AP5B1: variants seen among roughly 807,000 people sequenced by gnomAD.
AP5B1 encodes the protein adaptor related protein complex 5 subunit beta 1.
A neutral mutation model predicts 5.7 loss-of-function variants in AP5B1; 3 were observed. The observed-to-expected ratio is 0.53, with a 90% CI of 0.24 to 1.36. The LOEUF is 1.36. Among genes scored for constraint, AP5B1 ranks in the 40% most tolerant of loss-of-function variants. The probability of loss-of-function intolerance (pLI) is 0.17; values close to 1 mark genes in which losing one functional copy is unlikely to be tolerated. For synonymous variants in AP5B1, 696 were observed against 555.5 expected (o/e 1.25, Z -3.56); for missense variants, 1,310 against 1,143.2 (o/e 1.15, Z -2.10).
rs2135690748 is a variant in AP5B1, at chr11:65,780,130, C to T, written c.363G>A (p.Leu121=). The T allele has an allele frequency of 6.7e-7, 1 of 1,481,798 alleles. No individual in the cohort carries two copies. Among genetic ancestry groups the T allele is most frequent in the African/African-American group, 1.4e-5 (1 of 69,366 alleles). The allele number at this position is 1,481,798 out of a possible 1,614,324, so 91.8% of individuals were successfully genotyped here. A position where few individuals can be genotyped will look rare whatever the true frequency, so the allele number is the denominator to read the frequency against. Reference sequence around the variant, plus strand: ...CCGCGGCCAGGCCGAGCAGTAGGGGCAGGAGCCGGCAGGAGGCGCCCGAGG... The same window carrying T: ...CCGCGGCCAGGCCGAGCAGTAGGGGTAGGAGCCGGCAGGAGGCGCCCGAGG... ...GPTSGASCRL[L]PLLLGLAAGS... The change falls in exon 2 of 2, where the codon CTG becomes CTA. Residue 121 remains leucine (L), a synonymous_variant. Coordinates refer to ENST00000532090, the MANE Select transcript of AP5B1 (RefSeq NM_138368.5).
rs754621252 is a variant in AP5B1, at chr11:65,778,714, G to T, written c.1779C>A (p.Val593=). The change falls in exon 2 of 2, where the codon GTC becomes GTA. Residue 593 remains valine (V), a synonymous_variant. Transcript: ENST00000532090. ...LLRAGVRGGL[V]DLLQVLARQL... is the part of the protein sequence containing the mutation. ...GCCTGGCCAGCACCTGCAGCAAGTCGACCAGGCCGCCCCTCACCCCTGCCC... is the reference window on the plus strand; with the variant it reads ...GCCTGGCCAGCACCTGCAGCAAGTCTACCAGGCCGCCCCTCACCCCTGCCC... 1 of 1,587,626 alleles carries T rather than the reference G, an allele frequency of 6.3e-7. No individual in the cohort carries two copies. Among genetic ancestry groups the T allele is most frequent in the Non-Finnish European group, 8.6e-7 (1 of 1,169,172 alleles).
chr11:65,779,230 C>A lies in AP5B1; in HGVS notation c.1263G>T (p.Leu421=), dbSNP rs778009377. The stretch of plus-strand genomic sequence containing the variant: ...CCTCTTCTTCCTCCTCGGCACAGAG[C>A]AGGCACAGTAAATGCAGGCGGGCCA... ...ALLARLHLLC[L]LCAEEEEEEK... is the part of the protein sequence containing the mutation. The change falls in exon 2 of 2, where the codon CTG becomes CTT. Residue 421 remains leucine (L), a synonymous_variant. Transcript: ENST00000532090. 5.6e-6 allele frequency: 9 copies of A among 1,598,582 alleles called. No homozygotes were observed. The African/African-American group carries it at 1.1e-4, about 19-fold the overall frequency.
Position 65,780,039 on chromosome 11 carries a change from C to T in AP5B1, c.454G>A (p.Glu152Lys). 1 of 1,554,322 alleles carries T rather than the reference C, an allele frequency of 6.4e-7. No homozygotes were observed. Among genetic ancestry groups the T allele is most frequent in the Non-Finnish European group, 8.7e-7 (1 of 1,149,512 alleles). The change falls in exon 2 of 2, where the codon GAG becomes AAG. Residue 152 changes from glutamate to lysine, a missense_variant. Physicochemically the swap from Glu to Lys is moderately conservative, Grantham distance 56. Transcript: ENST00000532090. Reference protein sequence around the residue: ...EQRPLQATACECLRELESCKP... With the variant: ...EQRPLQATACKCLRELESCKP... ...CAGCTCTCTAGCTCTCGCAGGCACT[C>T]GCAGGCCGTGGCCTGCAAGGGGCGC...
rs1343026582 is a variant in AP5B1, at chr11:65,780,724, G to A, written c.-133C>T. Reference sequence around the variant, plus strand: ...CCGCGCAGATGCCGGCGGGACCCGCGCCCGGCTCCCACGGTGAGACCAGGG... The same window carrying A: ...CCGCGCAGATGCCGGCGGGACCCGCACCCGGCTCCCACGGTGAGACCAGGG... On this transcript the variant is annotated 5_prime_UTR_variant, in exon 1 of 2. Transcript: ENST00000532090. The A allele has an allele frequency of 2.5e-5, 25 of 984,792 alleles. No homozygotes were observed. The highest frequency in any genetic ancestry group is 4.4e-5 in the Admixed American group (1 of 22,910). The allele number at this position is 984,792 out of a possible 1,614,324, so 61.0% of individuals were successfully genotyped here.
Position 65,775,199 on chromosome 11 carries a change from G to A in AP5B1, c.*2657C>T, listed in dbSNP as rs1857749873. On this transcript the variant is annotated 3_prime_UTR_variant, in exon 2 of 2. Coordinates refer to ENST00000532090, the MANE Select transcript of AP5B1 (RefSeq NM_138368.5). Reference sequence around the variant, plus strand: ...TGGCCATTGCAGCAAAGTTCTGGTTGGGGTAGGGGGAGCTGAAAGTCATCT... The same window carrying A: ...TGGCCATTGCAGCAAAGTTCTGGTTAGGGTAGGGGGAGCTGAAAGTCATCT... 6.6e-6 allele frequency among the ~76,000 whole-genome samples: 1 copy of A among 152,164 alleles called. No individual in the cohort carries two copies. Among genetic ancestry groups the A allele is most frequent in the Non-Finnish European group, 1.5e-5 (1 of 68,026 alleles).
chr11:65,777,235 A>G lies in AP5B1; in HGVS notation c.*621T>C, dbSNP rs77787987. On this transcript the variant is annotated 3_prime_UTR_variant, in exon 2 of 2. Transcript: ENST00000532090. ...CAAGGCCAGACCCTCTCTGGGAAGC[A>G]GAAAGGAGATTTTTCCCCTGCCTCC... is the stretch of plus-strand genomic sequence containing the variant. 3,468 of 152,524 alleles carry G rather than the reference A, an allele frequency of 0.023. 141 individuals carry two copies. Among genetic ancestry groups the G allele is most frequent in the African/African-American group, 0.079 (3,304 of 41,572 alleles). The allele number at this position is 152,524 out of a possible 1,614,324, so 9.4% of individuals were successfully genotyped here.
chr11:65,778,369 C>G lies in AP5B1; in HGVS notation c.2124G>C (p.Glu708Asp). 1 of 1,607,982 alleles carries G rather than the reference C, an allele frequency of 6.2e-7. No individual in the cohort carries two copies. The highest frequency in any genetic ancestry group is 8.5e-7 in the Non-Finnish European group (1 of 1,178,034). The change falls in exon 2 of 2, where the codon GAG becomes GAC. Residue 708 changes from glutamate to aspartate, a missense_variant. Transcript: ENST00000532090. ...RVEGQLYAPL[E>D]AVHVPCLCPG... ...GACACAGGCAGGGCACATGGACAGCCTCCAGGGGTGCATACAGCTGTCCTT... is the reference window on the plus strand; with the variant it reads ...GACACAGGCAGGGCACATGGACAGCGTCCAGGGGTGCATACAGCTGTCCTT...
chr11:65,777,909 C>A lies in AP5B1; in HGVS notation c.2584G>T (p.Ala862Ser), dbSNP rs1417097312. 1.3e-6 allele frequency: 2 copies of A among 1,554,976 alleles called. No homozygotes were observed. The highest frequency in any genetic ancestry group is 2.4e-5 in the South Asian group (2 of 84,848). The stretch of plus-strand genomic sequence containing the variant: ...TAGTCCCCCGCCAGGGGCAGCACGG[C>A]CCAGTCATCGGTCCGCAGGGCCACA... ...VPVALRTDDWAVLPLAGDYLR... is the reference protein window; with the variant it reads ...VPVALRTDDWSVLPLAGDYLR... The change falls in exon 2 of 2, where the codon GCC (alanine) becomes TCC (serine). Residue 862 changes from alanine (A) to serine (S), a missense_variant. Physicochemically the swap from Ala to Ser is moderately conservative, Grantham distance 99. Transcript: ENST00000532090.
Position 65,778,504 on chromosome 11 carries a change from C to T in AP5B1, c.1989G>A (p.Leu663=), listed in dbSNP as rs1473836576. The change falls in exon 2 of 2, where the codon CTG becomes CTA. Residue 663 remains leucine (L), a synonymous_variant. Coordinates refer to ENST00000532090, the MANE Select transcript of AP5B1 (RefSeq NM_138368.5). Reference sequence around the variant, plus strand: ...GATGGGACCCCAGGCTCAGCCGTACCAGGGCCGGTGCCTCCTGCACCATCA... The same window carrying T: ...GATGGGACCCCAGGCTCAGCCGTACTAGGGCCGGTGCCTCCTGCACCATCA... ...AALMVQEAPA[L]VRLSLGSHRV... 1.9e-6 allele frequency: 3 copies of T among 1,573,398 alleles called. No individual in the cohort carries two copies. Among genetic ancestry groups the T allele is most frequent in the Non-Finnish European group, 1.7e-6 (2 of 1,163,934 alleles).
At position 65,774,554 on chromosome 11, in the gene AP5B1, A is replaced by G. The variant is rs115011816; in HGVS notation, c.*3302T>C. Among the ~76,000 whole-genome samples the G allele has an allele frequency of 0.015, 2,352 of 152,128 alleles. 51 individuals carry two copies. The highest frequency in any genetic ancestry group is 0.054 in the African/African-American group (2,246 of 41,486). On this transcript the variant is annotated 3_prime_UTR_variant, in exon 2 of 2. Transcript: ENST00000532090. Reference sequence around the variant, plus strand: ...AGCCTCCTGAGTAGCTGGGATTATGAGCACGCCACCACACCCGGCTAATTT... The same window carrying G: ...AGCCTCCTGAGTAGCTGGGATTATGGGCACGCCACCACACCCGGCTAATTT...
In AP5B1 at chr11:65,780,583, G is replaced by T; in HGVS notation, c.9C>A (p.Pro3=). 6.9e-7 allele frequency: 1 copy of T among 1,455,462 alleles called. No homozygotes were observed. The highest frequency in any genetic ancestry group is 9.0e-7 in the Non-Finnish European group (1 of 1,107,012). The allele number at this position is 1,455,462 out of a possible 1,614,324, so 90.2% of individuals were successfully genotyped here. Residue 3 remains proline (P), a synonymous_variant, in exon 1 of 2, where the codon CCC becomes CCA. Transcript: ENST00000532090. ...GCTGGGCCCAGGCGTCCCGGCTCAG[G>T]GGCCCCATGGTGAGGCGCGCGGGCC... MG[P]LSRDAWAQRL... is the part of the protein sequence containing the mutation.
rs570313032 is a variant in AP5B1 at position 65,775,168 on chromosome 11, T to C, written c.*2688A>G. 2.6e-5 allele frequency among the ~76,000 whole-genome samples: 4 copies of C among 152,248 alleles called. No homozygotes were observed. The East Asian group carries it at 7.7e-4, about 29-fold the overall frequency. On this transcript the variant is annotated 3_prime_UTR_variant, in exon 2 of 2. Coordinates refer to ENST00000532090, the MANE Select transcript of AP5B1 (RefSeq NM_138368.5). Reference sequence around the variant, plus strand: ...TGTCCCATGGGTCCATAGGGGCATATAAGAATGGCCATTGCAGCAAAGTTC... The same window carrying C: ...TGTCCCATGGGTCCATAGGGGCATACAAGAATGGCCATTGCAGCAAAGTTC...
rs778776838 is a variant in AP5B1, at chr11:65,779,636, T to C, written c.857A>G (p.Gln286Arg). Residue 286 changes from glutamine (Q) to arginine (R), a missense_variant, in exon 2 of 2, where the codon CAG becomes CGG. Gln to Arg is a conservative substitution (Grantham distance 43). Transcript: ENST00000532090. ...GCCCAGCAGCCACAGGAGCTGGGCC[T>C]GGGCCACAGGAGTGAGCAGATAGGA... ...DTSYLLTPVAQAQLLWLLGWA... is the reference protein window; with the variant it reads ...DTSYLLTPVARAQLLWLLGWA... 5.6e-6 allele frequency: 9 copies of C among 1,610,440 alleles called. No individual in the cohort carries two copies. The highest frequency in any genetic ancestry group is 7.6e-6 in the Non-Finnish European group (9 of 1,178,976).
chr11:65,780,284 G>A lies in AP5B1; in HGVS notation c.209C>T (p.Ala70Val), dbSNP rs866030578. 1.3e-6 allele frequency: 2 copies of A among 1,501,498 alleles called. No individual in the cohort carries two copies. The highest frequency in any genetic ancestry group is 2.5e-5 in the East Asian group (1 of 39,530). The allele number at this position is 1,501,498 out of a possible 1,614,324, so 93.0% of individuals were successfully genotyped here. Residue 70 changes from alanine to valine, a missense_variant, in exon 2 of 2, where the codon GCG becomes GTG. Coordinates refer to ENST00000532090, the MANE Select transcript of AP5B1 (RefSeq NM_138368.5). ...YPAQLWPDAS[A>V]AEVAATSLLD... ...CAGGGAGGTGGCGGCCACTTCGGCC[G>A]CAGAGGCGTCGGGCCACAGCTGCGC...
Position 65,774,312 on chromosome 11 carries a change from T to C in AP5B1, c.*3544A>G, listed in dbSNP as rs1857740694. On this transcript the variant is annotated 3_prime_UTR_variant, in exon 2 of 2. Transcript: ENST00000532090. ...ATGACTCAACTATTTAGCACCTCCA[T>C]CTCAACATGTACTTCCCCAACGGTC... Among the ~76,000 whole-genome samples, 1 of 152,198 alleles carries C rather than the reference T, an allele frequency of 6.6e-6. No individual in the cohort carries two copies. The highest frequency in any genetic ancestry group is 2.4e-5 in the African/African-American group (1 of 41,444).
Position 65,780,823 on chromosome 11 carries a change from C to G in AP5B1, c.-232G>C. 2.9e-6 allele frequency: 1 copy of G among 343,004 alleles called. No homozygotes were observed. 21.2% of individuals were successfully genotyped at this position (343,004 alleles called of 1,614,324 possible). A position where few individuals can be genotyped will look rare whatever the true frequency, so the allele number is the denominator to read the frequency against. On this transcript the variant is annotated 5_prime_UTR_variant, in exon 1 of 2. Coordinates refer to ENST00000532090, the MANE Select transcript of AP5B1 (RefSeq NM_138368.5). ...GACAGGAGCAGGGCGGGGGAGGGTGCGTGCCGAGAGCTCGTTAGGCCGCCT... is the reference window on the plus strand; with the variant it reads ...GACAGGAGCAGGGCGGGGGAGGGTGGGTGCCGAGAGCTCGTTAGGCCGCCT...
In AP5B1 at chr11:65,779,918, G is replaced by A. The variant is rs1455373383; in HGVS notation, c.575C>T (p.Ala192Val). The A allele has an allele frequency of 6.3e-7, 1 of 1,590,502 alleles. No homozygotes were observed. The highest frequency in any genetic ancestry group is 1.7e-4 in the Middle Eastern group (1 of 5,958). ...CTGGAGCACCAAGGTGTTGCGCAAA[G>A]CGAGGGCCAGCAACAGGCTGAGTGG... The part of the protein sequence containing the change: ...VQPLSLLLAL[A>V]LRNTLVLQSR... Residue 192 changes from alanine to valine, a missense_variant, in exon 2 of 2, where the codon GCT becomes GTT. Coordinates refer to ENST00000532090, the MANE Select transcript of AP5B1 (RefSeq NM_138368.5).
rs1857838595 is a variant in AP5B1, at chr11:65,780,558, G to C, written c.34C>G (p.Arg12Gly). The C allele has an allele frequency of 6.7e-7, 1 of 1,500,176 alleles. No homozygotes were observed. Among genetic ancestry groups the C allele is most frequent in the South Asian group, 1.2e-5 (1 of 80,048 alleles). 92.9% of individuals were successfully genotyped at this position (1,500,176 alleles called of 1,614,324 possible). A position where few individuals can be genotyped will look rare whatever the true frequency, so the allele number is the denominator to read the frequency against. The part of the protein sequence containing the change: ...GPLSRDAWAQ[R>G]LGAFRASPSA... ...GGGCTGGCCCGGAAGGCCCCCAAGCGCTGGGCCCAGGCGTCCCGGCTCAGG... is the reference window on the plus strand; with the variant it reads ...GGGCTGGCCCGGAAGGCCCCCAAGCCCTGGGCCCAGGCGTCCCGGCTCAGG... Residue 12 changes from arginine (R) to glycine (G), a missense_variant, in exon 1 of 2, where the codon CGC (arginine) becomes GGC (glycine). Coordinates refer to ENST00000532090, the MANE Select transcript of AP5B1 (RefSeq NM_138368.5).
rs1396378649 is a variant in AP5B1 at position 65,774,285 on chromosome 11, T to C, written c.*3571A>G. ...TTTGTTACAGCGTATCCAGGTGAGA[T>C]TATGACTCAACTATTTAGCACCTCC... On this transcript the variant is annotated 3_prime_UTR_variant, in exon 2 of 2. Transcript: ENST00000532090. Among the ~76,000 whole-genome samples the C allele has an allele frequency of 6.6e-6, 1 of 152,256 alleles. No individual in the cohort carries two copies. Among genetic ancestry groups the C allele is most frequent in the African/African-American group, 2.4e-5 (1 of 41,468 alleles).
Sources: allele counts gnomAD v4.1 joint callset (sites outside exome capture counted in the v4.1 genomes callset), GRCh38; gene constraint gnomAD v4.1.1; transcripts MANE v1.5; gene names NCBI Gene and HGNC (gene_info 2026-07-23, HGNC 2026-07-21).